The following EFHC1 variants were observed in gnomAD, a reference collection of about 807,000 sequenced individuals.
EFHC1 encodes EF-hand domain-containing protein 1.
EFHC1 carries 53 observed loss-of-function variants against 69.9 expected under a neutral mutation model. The observed-to-expected ratio is 0.76, with a 90% CI of 0.61 to 0.95. The LOEUF (loss-of-function observed/expected upper bound fraction) is 0.95, where lower values mean the gene tolerates loss of function less well. Among genes scored for constraint, EFHC1 ranks in the 40% least tolerant of loss-of-function variants. EFHC1 has a pLI of 0.00. For missense variants in EFHC1, 739 were observed against 798.7 expected (o/e 0.93, Z 0.90); for synonymous variants, 256 against 278.4 (o/e 0.92, Z 0.80).
intron 4 of EFHC1, chr6:52,453,450 C>T: frequency 7.8e-7 from 1 of 1,287,122 alleles, no homozygotes; most frequent in Non-Finnish European, 1.0e-6. Context: ...AGAGATCACC[C>T]TCAGTGCTTC....
At chr6:52,446,006 C>T (rs192239726) in intron 3 of EFHC1, among the ~76,000 whole-genome samples, 196 of 152,102 alleles carry the variant, frequency 1.3e-3, no homozygotes, top group Non-Finnish European at 1.4e-3. Flanking sequence ...GGAATAAGTG[C>T]GATGTGGTGC....
chr6:52,421,875 T>C (rs1764197939), intron 1 of EFHC1, among the ~76,000 whole-genome samples: 1 of 152,154 alleles, frequency 6.6e-6, no homozygotes, highest in East Asian at 1.9e-4. Flanking sequence ...CAGGGCTGAG[T>C]TGATACAGGG....
chr6:52,476,808 A>G (rs189912541), intron 7 of EFHC1, among the ~76,000 whole-genome samples: 4 of 152,290 alleles, frequency 2.6e-5, no homozygotes, highest in South Asian at 2.1e-4. Context: ...ACTAAATGCA[A>G]TGTGGGATCC....
In EFHC1 at chr6:52,469,425, T is replaced by A; in HGVS notation, c.1230T>A (p.Ile410=). 6.2e-7 allele frequency: 1 copy of A among 1,614,062 alleles called. No homozygotes were observed. The highest frequency in any genetic ancestry group is 8.5e-7 in the Non-Finnish European group (1 of 1,179,954). Residue 410 remains isoleucine, a synonymous_variant, in exon 7 of 11, where the codon ATT becomes ATA. Coordinates refer to ENST00000371068, the MANE Select transcript of EFHC1 (RefSeq NM_018100.4). ...CAAAAGCTCCAAAAAAAGACGTTATTAAAATGCTGGTGAATGATAACAAGG... is the reference window on the plus strand; with the variant it reads ...CAAAAGCTCCAAAAAAAGACGTTATAAAAATGCTGGTGAATGATAACAAGG... ...LIPKAPKKDV[I]KMLVNDNKVL...
At chr6:52,423,894 C>A in intron 1 of EFHC1, 52 bp from the exon 2 acceptor site, 3 of 1,600,036 alleles carry the variant, frequency 1.9e-6, no homozygotes, top group Non-Finnish European at 2.6e-6. Flanking sequence ...TTTTTTTTTA[C>A]CTAACAAATA....
At chr6:52,448,055 G>C (rs1764826063) in intron 3 of EFHC1, among the ~76,000 whole-genome samples, 1 of 152,234 alleles carries the variant, frequency 6.6e-6, no homozygotes, top group Non-Finnish European at 1.5e-5. Flanking sequence ...TCCGTTCTCA[G>C]ATCTCAAACT....
At chr6:52,450,772 A>G (rs374084903) in intron 3 of EFHC1, among the ~76,000 whole-genome samples, 2 of 151,714 alleles carry the variant, frequency 1.3e-5, no homozygotes. Flanking sequence ...GTTATTCTGC[A>G]TTGTGGTTTT....
At chr6:52,426,030 T>A (rs1309170815) in intron 2 of EFHC1, among the ~76,000 whole-genome samples, 2 of 152,338 alleles carry the variant, frequency 1.3e-5, no homozygotes, top group Non-Finnish European at 2.9e-5. Flanking sequence ...TTTCTGATGT[T>A]CTTCTTTCAT....
At chr6:52,460,718 G>C (rs1260588026) in intron 5 of EFHC1, among the ~76,000 whole-genome samples, 4 of 152,168 alleles carry the variant, frequency 2.6e-5, no homozygotes, top group Admixed American at 6.5e-5. Context: ...AATATCTTCA[G>C]AGTGCTGAGA....
At position 52,424,008 on chromosome 6, in the gene EFHC1, T is replaced by A. The variant is rs1026907257; in HGVS notation, c.126T>A (p.Arg42=). 1 of 1,614,152 alleles carries A rather than the reference T, an allele frequency of 6.2e-7. No individual in the cohort carries two copies. Among genetic ancestry groups the A allele is most frequent in the Non-Finnish European group, 8.5e-7 (1 of 1,180,046 alleles). ...GGAACGGCTATGCAATTGTTCGACGTCCAACAGTTGGGATAGGCGGAGACC... is the reference window on the plus strand; with the variant it reads ...GGAACGGCTATGCAATTGTTCGACGACCAACAGTTGGGATAGGCGGAGACC... ...SYRNGYAIVR[R]PTVGIGGDRL... The change falls in exon 2 of 11, where the codon CGT becomes CGA. Residue 42 remains arginine (R), a synonymous_variant. Coordinates refer to ENST00000371068, the MANE Select transcript of EFHC1 (RefSeq NM_018100.4).
chr6:52,423,847 A>G (rs1764242547), intron 1 of EFHC1, 99 bp from the exon 2 acceptor site: 1 of 1,555,394 alleles, frequency 6.4e-7, no homozygotes, highest in South Asian at 1.2e-5. Context: ...TGTGATGCTT[A>G]TAAGCAAAGA....
At chr6:52,445,292 A>T (rs530254354) in intron 3 of EFHC1, among the ~76,000 whole-genome samples, 36 of 148,890 alleles carry the variant, frequency 2.4e-4, no homozygotes, top group Non-Finnish European at 3.3e-4. Context: ...TTAATTAATT[A>T]ATTTATTTAT....
At position 52,479,741 on chromosome 6, in the gene EFHC1, C is replaced by T. The variant is rs745458555; in HGVS notation, c.1594C>T (p.Gln532Ter). The T allele has an allele frequency of 1.9e-6, 3 of 1,614,214 alleles. No homozygotes were observed. The East Asian group carries it at 6.7e-5, about 36-fold the overall frequency. ...QYSPEALASI[Q>*]NHVRKREAPA... ...TTCACCAGAAGCACTCGCGTCAATTCAGAACCATGTCCGAAAGCGAGAAGC... is the reference window on the plus strand; with the variant it reads ...TTCACCAGAAGCACTCGCGTCAATTTAGAACCATGTCCGAAAGCGAGAAGC... Residue 532 changes from glutamine to a stop codon, truncating the protein, a stop_gained, in exon 9 of 11, where the codon CAG (glutamine) becomes TAG (stop). Transcript: ENST00000371068. LOFTEE classifies it high-confidence loss of function.
chr6:52,450,302 T>C lies in EFHC1; in HGVS notation c.574-2386T>C, dbSNP rs191397201. 4.9e-3 allele frequency among the ~76,000 whole-genome samples: 739 copies of C among 152,308 alleles called. 15 individuals are homozygous for C. Among genetic ancestry groups the C allele is most frequent in the Non-Finnish European group, 5.9e-4 (40 of 68,024 alleles). ...TCTGTTGTTTTTGGGTGGAAGGTTC[T>C]GTAGAGGTAGGTCACATCCATTTGG... On this transcript the variant is annotated intron_variant, in intron 3 of 10. Transcript: ENST00000371068.
At chr6:52,436,458 G>A (rs1057504200) in intron 2 of EFHC1, among the ~76,000 whole-genome samples, 7 of 151,612 alleles carry the variant, frequency 4.6e-5, no homozygotes, top group Non-Finnish European at 7.4e-5. Context: ...GTTTCATTTA[G>A]GATCTTCTTG....
intron 5 of EFHC1, among the ~76,000 whole-genome samples, chr6:52,458,200 C>T (rs1765086215): frequency 6.6e-6 from 1 of 152,082 alleles, no homozygotes; most frequent in African/African-American, 2.4e-5. Context: ...CCTCACCATA[C>T]ATAAAAGTTA....
chr6:52,435,871 T>C (rs1764521334), intron 2 of EFHC1, among the ~76,000 whole-genome samples: 1 of 152,212 alleles, frequency 6.6e-6, no homozygotes, highest in Non-Finnish European at 1.5e-5. Context: ...ACAGATTCCT[T>C]CTTGGAACCA....
intron 2 of EFHC1, among the ~76,000 whole-genome samples, chr6:52,436,800 C>G (rs1280159552): frequency 6.6e-6 from 1 of 152,130 alleles, no homozygotes; most frequent in African/African-American, 2.4e-5. Context: ...CACCACCAAG[C>G]CTGGCTAATT....
Position 52,438,609 on chromosome 6 carries a change from G to T in EFHC1, c.573+18G>T. On this transcript the variant is annotated intron_variant, in intron 3 of 10. Coordinates refer to ENST00000371068, the MANE Select transcript of EFHC1 (RefSeq NM_018100.4). ...TCACACAGGTATAGCATATATTTTT[G>T]AAAGTTGTGGGGTCTGAGGCATCAT... 6.2e-7 allele frequency: 1 copy of T among 1,613,490 alleles called. No homozygotes were observed. The highest frequency in any genetic ancestry group is 8.5e-7 in the Non-Finnish European group (1 of 1,179,598).
Sources: allele counts gnomAD v4.1 joint callset (sites outside exome capture counted in the v4.1 genomes callset), GRCh38; gene constraint gnomAD v4.1.1; transcripts MANE v1.5; gene names NCBI Gene and HGNC (gene_info 2026-07-23, HGNC 2026-07-21).